STIM2: variants seen among roughly 807,000 people sequenced by gnomAD.
STIM2 encodes stromal interaction molecule 2.
Under a neutral mutation model 85.8 loss-of-function variants are expected in STIM2, and 31 were observed. The observed-to-expected ratio is 0.36, with a 90% CI of 0.27 to 0.49. STIM2 has a LOEUF of 0.49. Among genes scored for constraint, STIM2 ranks in the 20% least tolerant of loss-of-function variants. STIM2 has a pLI of 0.98. For missense variants in STIM2, 841 were observed against 927.6 expected (o/e 0.91, Z 1.21); for synonymous variants, 356 against 331.1 (o/e 1.08, Z -0.82).
In STIM2 at chr4:27,021,261, C is replaced by T. The variant is rs138203861; in HGVS notation, c.1764-1258C>T. On this transcript the variant is annotated intron_variant, in intron 11 of 11. Coordinates refer to ENST00000467087, the MANE Select transcript of STIM2 (RefSeq NM_020860.4). ...TATTTCTTTTTTTCTGGGATTCTGC[C>T]TATAAACAAGTTAATATAAAATATC... The T allele has an allele frequency of 7.5e-3, 4,061 of 542,924 alleles. 32 individuals carry two copies. Among genetic ancestry groups the T allele is most frequent in the Non-Finnish European group, 0.011 (3,219 of 305,390 alleles). The allele number at this position is 542,924 out of a possible 1,614,324, so 33.6% of individuals were successfully genotyped here.
chr4:26,874,797 A>G (rs778196423), intron 1 of STIM2, among the ~76,000 whole-genome samples: 2 of 152,172 alleles, frequency 1.3e-5, no homozygotes, highest in African/African-American at 4.8e-5. Context: ...TTATTAAACA[A>G]ATGTTTGAAT....
At chr4:27,003,828 A>G (rs1316540548) in intron 7 of STIM2, among the ~76,000 whole-genome samples, 5 of 152,040 alleles carry the variant, frequency 3.3e-5, no homozygotes, top group Non-Finnish European at 7.4e-5. Context: ...TGCCTTCTCC[A>G]CTGGTAAAGG....
In STIM2 at chr4:27,023,048, C is replaced by T; in HGVS notation, c.*52C>T. 1.3e-6 allele frequency: 2 copies of T among 1,526,872 alleles called. No homozygotes were observed. Among genetic ancestry groups the T allele is most frequent in the South Asian group, 1.2e-5 (1 of 83,472 alleles). 94.6% of individuals were successfully genotyped at this position (1,526,872 alleles called of 1,614,324 possible). On this transcript the variant is annotated 3_prime_UTR_variant, in exon 12 of 12. Transcript: ENST00000467087. ...CAAGTGGCATCTGTAAACTATTATCCCCCACCCTCCACTCCCCACCTTTTT... is the reference window on the plus strand; with the variant it reads ...CAAGTGGCATCTGTAAACTATTATCTCCCACCCTCCACTCCCCACCTTTTT...
At chr4:26,948,361 G>C (rs1233644457) in intron 2 of STIM2, among the ~76,000 whole-genome samples, 1 of 152,154 alleles carries the variant, frequency 6.6e-6, no homozygotes, top group East Asian at 1.9e-4. Context: ...TGTGGAATAG[G>C]GATAGTCTTA....
intron 1 of STIM2, among the ~76,000 whole-genome samples, chr4:26,903,923 T>G (rs1724022361): frequency 6.6e-6 from 1 of 152,120 alleles, no homozygotes; most frequent in Non-Finnish European, 1.5e-5. Flanking sequence ...CTAGGATTTT[T>G]TTTTAATCTT....
chr4:26,883,931 T>C (rs1340312618), intron 1 of STIM2, among the ~76,000 whole-genome samples: 7 of 152,238 alleles, frequency 4.6e-5, no homozygotes, highest in African/African-American at 1.7e-4. Flanking sequence ...TTTATCTTAG[T>C]CTTTGAAAAG....
intron 1 of STIM2, among the ~76,000 whole-genome samples, chr4:26,874,706 A>G (rs1176112230): frequency 6.6e-6 from 1 of 152,216 alleles, no homozygotes; most frequent in Non-Finnish European, 1.5e-5. Flanking sequence ...GCTGGTTAAT[A>G]TGAAATTGGA....
intron 2 of STIM2, among the ~76,000 whole-genome samples, 195 bp downstream of exon 2, chr4:26,919,829 A>G (rs149152600): frequency 6.6e-6 from 1 of 152,266 alleles, no homozygotes; most frequent in Non-Finnish European, 1.5e-5. Context: ...CCATTTGGAT[A>G]TAAGTCTTCC....
chr4:26,990,363 G>A (rs1244465195), intron 3 of STIM2, among the ~76,000 whole-genome samples: 3 of 152,102 alleles, frequency 2.0e-5, no homozygotes, highest in Non-Finnish European at 4.4e-5. Context: ...GGAAGGAATG[G>A]TCTGTTTAAT....
chr4:26,867,998 G>T (rs942510975), intron 1 of STIM2, among the ~76,000 whole-genome samples: 17 of 152,154 alleles, frequency 1.1e-4, no homozygotes, highest in African/African-American at 4.1e-4. Flanking sequence ...TATTTCCTTT[G>T]GCCCTTGGTG....
At chr4:26,950,056 T>A (rs1186335563) in intron 2 of STIM2, among the ~76,000 whole-genome samples, 1 of 152,184 alleles carries the variant, frequency 6.6e-6, no homozygotes, top group Non-Finnish European at 1.5e-5. Flanking sequence ...GTATTCTCAG[T>A]GATGGATACT....
At chr4:26,997,571 T>C (rs533627853) in intron 4 of STIM2, among the ~76,000 whole-genome samples, 3 of 152,342 alleles carry the variant, frequency 2.0e-5, no homozygotes, top group African/African-American at 2.4e-5. Flanking sequence ...AATTTTGTTA[T>C]GTATTTTCTT....
At chr4:26,960,179 T>A (rs968345391) in intron 3 of STIM2, among the ~76,000 whole-genome samples, 31 of 152,320 alleles carry the variant, frequency 2.0e-4, no homozygotes, top group African/African-American at 7.2e-4. Context: ...TTATATTTTG[T>A]TTCTGTTGAA....
At position 27,007,539 on chromosome 4, in the gene STIM2, A is replaced by T. The variant is rs751101903; in HGVS notation, c.988A>T (p.Met330Leu). Residue 330 changes from methionine to leucine, a missense_variant, in exon 8 of 12, where the codon ATG (methionine) becomes TTG (leucine). By Grantham distance (15) the Met-to-Leu change is conservative. Coordinates refer to ENST00000467087, the MANE Select transcript of STIM2 (RefSeq NM_020860.4). Reference sequence around the variant, plus strand: ...CTTCCTTTCCTTCTTCTAGGTTCGCATGGCTCTGAAAAAGGCCGAAAAAGA... The same window carrying T: ...CTTCCTTTCCTTCTTCTAGGTTCGCTTGGCTCTGAAAAAGGCCGAAAAAGA... 2 of 1,530,890 alleles carry T rather than the reference A, an allele frequency of 1.3e-6. No homozygotes were observed. Among genetic ancestry groups the T allele is most frequent in the Non-Finnish European group, 1.8e-6 (2 of 1,136,446 alleles). 94.8% of individuals were successfully genotyped at this position (1,530,890 alleles called of 1,614,324 possible).
At position 27,025,368 on chromosome 4, in the gene STIM2, AT is replaced by A. The variant is rs1242175295; in HGVS notation, c.*2376del. 1 of 144,348 alleles carries A rather than the reference AT, an allele frequency of 6.9e-6. No homozygotes were observed. The highest frequency in any genetic ancestry group is 1.5e-5 in the Non-Finnish European group (1 of 66,112). The allele number at this position is 144,348 out of a possible 1,614,324, so 8.9% of individuals were successfully genotyped here. Reference sequence around the variant, plus strand: ...GTGTTTTCCTGATTTTAAAAGCAATATTTTCCTTACTGTAAAAAAAAAAAAA... The same window carrying A: ...GTGTTTTCCTGATTTTAAAAGCAATATTTCCTTACTGTAAAAAAAAAAAAA... On this transcript the variant is annotated 3_prime_UTR_variant, in exon 12 of 12. Coordinates refer to ENST00000467087, the MANE Select transcript of STIM2 (RefSeq NM_020860.4).
At chr4:26,976,190 C>A (rs999018325) in intron 3 of STIM2, among the ~76,000 whole-genome samples, 1 of 152,026 alleles carries the variant, frequency 6.6e-6, no homozygotes, top group African/African-American at 2.4e-5. Context: ...ATCCCCCGAC[C>A]CCTTGCACTT....
intron 3 of STIM2, 132 bp from the exon 4 acceptor site, chr4:26,995,247 T>A: frequency 2.1e-6 from 1 of 469,170 alleles, no homozygotes; most frequent in Non-Finnish European, 3.8e-6. Flanking sequence ...GAGTGCTAGA[T>A]ACAGTTTTGG....
rs541831901 is a variant in STIM2 at position 26,971,095 on chromosome 4, C to T, written c.397+13369C>T. 3.3e-5 allele frequency among the ~76,000 whole-genome samples: 5 copies of T among 151,804 alleles called. No individual in the cohort carries two copies. The East Asian group carries it at 7.8e-4, about 24-fold the overall frequency. Reference sequence around the variant, plus strand: ...GCCCACTTTTTGATGGGGTTGTTTGCTTTTTTCTTGTAAATTTGTTTGAGT... The same window carrying T: ...GCCCACTTTTTGATGGGGTTGTTTGTTTTTTTCTTGTAAATTTGTTTGAGT... On this transcript the variant is annotated intron_variant, in intron 3 of 11. Transcript: ENST00000467087.
At chr4:26,979,818 G>T (rs73116698) in intron 3 of STIM2, among the ~76,000 whole-genome samples, 50 of 152,228 alleles carry the variant, frequency 3.3e-4, no homozygotes, top group African/African-American at 9.1e-4. Context: ...AGAAATGGTA[G>T]TTTTATAGTT....
Sources: gnomAD v4.1 joint callset for allele counts (sites outside exome capture counted in the v4.1 genomes callset) on GRCh38, gnomAD v4.1.1 for gene constraint, MANE v1.5 for transcripts, NCBI Gene and HGNC (gene_info 2026-07-23, HGNC 2026-07-21) for gene names.